Variants in WDR70 observed in about 807,000 individuals in gnomAD.
WDR70 encodes WD repeat-containing protein 70.
WDR70 carries 53 observed loss-of-function variants against 88.6 expected under a neutral mutation model. The observed-to-expected ratio is 0.60, with a 90% CI of 0.48 to 0.75. The LOEUF (loss-of-function observed/expected upper bound fraction) is 0.75. Ranked by LOEUF, WDR70 falls within the 30% of genes least tolerant of loss-of-function variation. The pLI is 0.00. For synonymous variants in WDR70, 280 were observed against 270.0 expected, an observed-to-expected ratio of 1.04 and a Z score of -0.36; for missense variants, 610 against 823.2, an observed-to-expected ratio of 0.74 and a Z score of 3.17.
intron 9 of WDR70, among the ~76,000 whole-genome samples, chr5:37,587,075 A>G (rs987744478): frequency 5.3e-5 from 8 of 151,928 alleles, no homozygotes; most frequent in Non-Finnish European, 1.0e-4. Context: ...GGCCTTTATC[A>G]TCTTTCACTT....
chr5:37,511,307 T>G (rs1027307762), intron 8 of WDR70, among the ~76,000 whole-genome samples: 8 of 152,220 alleles, frequency 5.3e-5, no homozygotes, highest in African/African-American at 1.9e-4. Flanking sequence ...GTCCTTGTTT[T>G]AGTGAATGGT....
chr5:37,664,955 T>C (rs1279259736), intron 10 of WDR70, among the ~76,000 whole-genome samples: 3 of 152,240 alleles, frequency 2.0e-5, no homozygotes, highest in Non-Finnish European at 4.4e-5. Context: ...ATCTAAAGAA[T>C]AGGGAAGATA....
intron 10 of WDR70, among the ~76,000 whole-genome samples, chr5:37,630,655 C>A (rs184917545): frequency 1.1e-4 from 16 of 152,220 alleles, no homozygotes; most frequent in African/African-American, 2.9e-4. Flanking sequence ...TGTGTAGGAC[C>A]ATAGTCACAG....
intron 9 of WDR70, among the ~76,000 whole-genome samples, chr5:37,548,991 A>G (rs1253471968): frequency 1.3e-5 from 2 of 152,032 alleles, no homozygotes; most frequent in Non-Finnish European, 2.9e-5. Flanking sequence ...ATTCTGTTTT[A>G]TCGGTCTGTG....
chr5:37,419,845 C>T (rs1180576343), intron 5 of WDR70, among the ~76,000 whole-genome samples: 5 of 151,906 alleles, frequency 3.3e-5, no homozygotes, highest in Middle Eastern at 3.4e-3. Context: ...TTATATTTTT[C>T]GCTTTGTTTG....
At chr5:37,480,233 ATC>A (rs1459437731) in intron 8 of WDR70, among the ~76,000 whole-genome samples, 1 of 152,100 alleles carries the variant, frequency 6.6e-6, no homozygotes. Context: ...GCTCCATGGC[ATC>A]TCTCTGTGTC....
intron 9 of WDR70, among the ~76,000 whole-genome samples, chr5:37,590,644 G>A (rs1361190764): frequency 6.6e-6 from 1 of 152,164 alleles, no homozygotes; most frequent in Admixed American, 6.5e-5. Flanking sequence ...CACAAAGGGG[G>A]AAGAGCAACA....
At chr5:37,721,310 T>C (rs1221354945) in intron 14 of WDR70, 95 bp downstream of exon 14, 38 of 1,093,750 alleles carry the variant, frequency 3.5e-5, no homozygotes, top group Non-Finnish European at 4.8e-5. Context: ...CCCACTTTGA[T>C]GGAGATCCAC....
intron 14 of WDR70, chr5:37,722,364 C>A: frequency 6.3e-6 from 1 of 159,780 alleles, no homozygotes; most frequent in Non-Finnish European, 1.4e-5. Context: ...TTGGTTAATC[C>A]CACACATTCT....
chr5:37,489,174 G>T (rs527472861), intron 8 of WDR70, among the ~76,000 whole-genome samples: 8 of 152,340 alleles, frequency 5.3e-5, no homozygotes, highest in African/African-American at 1.9e-4. Context: ...TCTGGCCCCA[G>T]TGGTGGCAAT....
chr5:37,382,795 G>A (rs983506766), intron 3 of WDR70, among the ~76,000 whole-genome samples: 2 of 151,454 alleles, frequency 1.3e-5, no homozygotes, highest in Non-Finnish European at 2.9e-5. Flanking sequence ...GGTGAATCAC[G>A]TAAGGTCAGG....
chr5:37,532,306 T>G (rs1177691989), intron 9 of WDR70, among the ~76,000 whole-genome samples: 2 of 152,226 alleles, frequency 1.3e-5, no homozygotes, highest in Non-Finnish European at 2.9e-5. Context: ...TATCTAGATC[T>G]CTAGCAAGGC....
chr5:37,619,707 G>A (rs2112501698), intron 10 of WDR70, among the ~76,000 whole-genome samples: 1 of 151,720 alleles, frequency 6.6e-6, no homozygotes, highest in East Asian at 1.9e-4. Flanking sequence ...GCACTCCAAA[G>A]CTCTTGGTGC....
chr5:37,527,420 G>C (rs1422104611), intron 9 of WDR70, among the ~76,000 whole-genome samples: 1 of 152,142 alleles, frequency 6.6e-6, no homozygotes, highest in Non-Finnish European at 1.5e-5. Flanking sequence ...TGTGAAAACT[G>C]GCTAGCCATA....
At chr5:37,589,845 G>T (rs1432825772) in intron 9 of WDR70, among the ~76,000 whole-genome samples, 1 of 152,096 alleles carries the variant, frequency 6.6e-6, no homozygotes, top group Non-Finnish European at 1.5e-5. Flanking sequence ...CAAGTGATCC[G>T]CCTGCCTTGG....
At chr5:37,387,863 A>G (rs1748673985) in intron 3 of WDR70, among the ~76,000 whole-genome samples, 1 of 152,132 alleles carries the variant, frequency 6.6e-6, no homozygotes, top group African/African-American at 2.4e-5. Flanking sequence ...CATGCTTGGT[A>G]TTGGAGTCTT....
intron 5 of WDR70, among the ~76,000 whole-genome samples, chr5:37,429,383 T>C (rs1428982007): frequency 6.6e-6 from 1 of 152,162 alleles, no homozygotes; most frequent in African/African-American, 2.4e-5. Flanking sequence ...TTTTTTTCTT[T>C]TTGGTGTGTA....
At chr5:37,583,677 A>T (rs373114888) in intron 9 of WDR70, among the ~76,000 whole-genome samples, 39 of 135,970 alleles carry the variant, frequency 2.9e-4, no homozygotes, top group Middle Eastern at 3.8e-3. Flanking sequence ...TCATAGTAGG[A>T]GGGATCCCTT....
chr5:37,576,960 A>G (rs1288349008), intron 9 of WDR70, among the ~76,000 whole-genome samples: 1 of 152,212 alleles, frequency 6.6e-6, no homozygotes, highest in Non-Finnish European at 1.5e-5. Flanking sequence ...ATAAAGGTCC[A>G]ATCCAGGACA....
Sources: allele counts gnomAD v4.1 joint callset (sites outside exome capture counted in the v4.1 genomes callset), GRCh38; gene constraint gnomAD v4.1.1; transcripts MANE v1.5; gene names NCBI Gene and HGNC (gene_info 2026-07-23, HGNC 2026-07-21).